Variants in METTL15 observed in about 807,000 individuals in gnomAD.
The protein encoded by METTL15 is methyltransferase 15, mitochondrial 12S rRNA N4-cytidine.
In METTL15, 34 loss-of-function variants were observed where a neutral mutation model predicts 38.3. The ratio of observed to expected loss-of-function variants is 0.89; its 90% CI spans 0.68 to 1.18. METTL15 has a LOEUF of 1.18. Among genes scored for constraint, METTL15 ranks in the 50% most tolerant of loss-of-function variants. The probability of loss-of-function intolerance (pLI) is 0.00; values close to 1 mark genes in which losing one functional copy is unlikely to be tolerated. For missense variants in METTL15, 438 were observed against 498.4 expected, an observed-to-expected ratio of 0.88 and a Z score of 1.15; for synonymous variants, 162 against 170.9, an observed-to-expected ratio of 0.95 and a Z score of 0.41.
At chr11:28,390,483 G>A (rs1850491910) in intron 5 of METTL15, among the ~76,000 whole-genome samples, 1 of 152,044 alleles carries the variant, frequency 6.6e-6, no homozygotes, top group South Asian at 2.1e-4. Context: ...TATTAAATAG[G>A]GAATCCTTTC....
intron 2 of METTL15, among the ~76,000 whole-genome samples, chr11:28,111,398 T>G (rs776776797): frequency 4.6e-5 from 7 of 152,200 alleles, no homozygotes; most frequent in Non-Finnish European, 7.3e-5. Context: ...GAGTTCACTT[T>G]TTAGGCGTAT....
Position 28,340,764 on chromosome 11 carries a change from G to A in METTL15, c.*190-11326G>A, listed in dbSNP as rs571978813. 1.9e-4 allele frequency among the ~76,000 whole-genome samples: 29 copies of A among 152,234 alleles called. No individual in the cohort carries two copies. The South Asian group carries it at 4.3e-3, about 23-fold the overall frequency. On this transcript the variant is annotated intron_variant and NMD_transcript_variant, in intron 3 of 7. Transcript: ENST00000532947. Reference sequence around the variant, plus strand: ...CAACTATTGTGGAAGACAGTGTTGCGATTCCCCAAGGATCTAGAACCAGAA... The same window carrying A: ...CAACTATTGTGGAAGACAGTGTTGCAATTCCCCAAGGATCTAGAACCAGAA...
chr11:28,128,628 G>GT (rs1852604296), intron 3 of METTL15, among the ~76,000 whole-genome samples: 1 of 152,086 alleles, frequency 6.6e-6, no homozygotes, highest in Non-Finnish European at 1.5e-5. Flanking sequence ...ATTTTGCAAT[G>GT]TTTTGCGTAA....
intron 4 of METTL15, among the ~76,000 whole-genome samples, chr11:28,231,661 T>C (rs1853689909): frequency 6.6e-6 from 1 of 151,934 alleles, no homozygotes; most frequent in South Asian, 2.1e-4. Flanking sequence ...TAGCTCACAA[T>C]GTTGTGTCAT....
At chr11:28,136,380 T>C (rs1009776886) in intron 3 of METTL15, among the ~76,000 whole-genome samples, 2 of 152,180 alleles carry the variant, frequency 1.3e-5, no homozygotes, top group Non-Finnish European at 2.9e-5. Flanking sequence ...CTTGCTGCCA[T>C]GTAAGATGTG....
At chr11:28,246,402 T>C (rs1854514708) in intron 4 of METTL15, among the ~76,000 whole-genome samples, 1 of 152,156 alleles carries the variant, frequency 6.6e-6, no homozygotes, top group Admixed American at 6.6e-5. Context: ...AGGCCCTAAC[T>C]ACATAATAAA....
chr11:28,327,977 C>A, intron 6 of METTL15: 1 of 1,026,444 alleles, frequency 9.7e-7, no homozygotes, highest in Non-Finnish European at 1.4e-6. Flanking sequence ...AAAGATAATG[C>A]TAAGAAATTT....
intron 6 of METTL15, among the ~76,000 whole-genome samples, chr11:28,445,880 G>A (rs1851071211): frequency 6.6e-6 from 1 of 151,998 alleles, no homozygotes; most frequent in Non-Finnish European, 1.5e-5. Context: ...TCAAACTCCT[G>A]GGCTCAAGCA....
intron 6 of METTL15, among the ~76,000 whole-genome samples, chr11:28,434,125 G>T (rs1430591028): frequency 6.6e-6 from 1 of 152,106 alleles, no homozygotes; most frequent in Non-Finnish European, 1.5e-5. Context: ...CATGGAAGCA[G>T]TTTTTTCCAT....
At chr11:28,458,856 G>T (rs186660192) in intron 6 of METTL15, among the ~76,000 whole-genome samples, 150 of 152,324 alleles carry the variant, frequency 9.8e-4, no homozygotes, top group African/African-American at 1.9e-3. Flanking sequence ...AAGAAAGGAA[G>T]AATGTCGATT....
intron 4 of METTL15, among the ~76,000 whole-genome samples, chr11:28,239,350 A>G (rs956851354): frequency 6.6e-6 from 1 of 152,240 alleles, no homozygotes; most frequent in East Asian, 1.9e-4. Flanking sequence ...ATAAAAAAGC[A>G]TACTAATCCT....
intron 4 of METTL15, among the ~76,000 whole-genome samples, chr11:28,223,075 A>T (rs947048567): frequency 1.3e-5 from 2 of 152,186 alleles, no homozygotes; most frequent in Non-Finnish European, 2.9e-5. Context: ...ATCTTTTAAT[A>T]TAAAACACAT....
chr11:28,425,491 G>T (rs950016375), intron 6 of METTL15, among the ~76,000 whole-genome samples: 3 of 152,136 alleles, frequency 2.0e-5, no homozygotes, highest in African/African-American at 2.4e-5. Flanking sequence ...TAACTTGAAA[G>T]AATTATGCTC....
chr11:28,172,667 A>G (rs1038637447), intron 3 of METTL15, among the ~76,000 whole-genome samples: 1 of 152,220 alleles, frequency 6.6e-6, no homozygotes, highest in African/African-American at 2.4e-5. Flanking sequence ...ACTGATGCAA[A>G]GAAAGACTGA....
At chr11:28,294,442 A>G (rs947914728) in intron 5 of METTL15, among the ~76,000 whole-genome samples, 2 of 152,168 alleles carry the variant, frequency 1.3e-5, no homozygotes, top group Non-Finnish European at 2.9e-5. Flanking sequence ...ATTTAACACT[A>G]AAGTCTTAAA....
intron 5 of METTL15, among the ~76,000 whole-genome samples, chr11:28,396,740 C>T (rs1470336264): frequency 1.3e-5 from 2 of 152,160 alleles, no homozygotes; most frequent in African/African-American, 4.8e-5. Context: ...GAAAAAACTA[C>T]TTTAAAGTTC....
intron 6 of METTL15, among the ~76,000 whole-genome samples, chr11:28,494,117 A>G (rs1453772963): frequency 6.6e-6 from 1 of 152,198 alleles, no homozygotes; most frequent in Admixed American, 6.5e-5. Context: ...TTAGGATGAA[A>G]GATGTCTCAT....
chr11:28,254,604 T>G (rs2133928661), intron 4 of METTL15, among the ~76,000 whole-genome samples: 1 of 152,326 alleles, frequency 6.6e-6, no homozygotes, highest in East Asian at 1.9e-4. Context: ...TTTTATTAGC[T>G]TCATAGTTTG....
At position 28,292,776 on chromosome 11, in the gene METTL15, T is replaced by C. The variant is rs372717780; in HGVS notation, c.599+2379T>C. 6.4e-4 allele frequency among the ~76,000 whole-genome samples: 98 copies of C among 152,314 alleles called. 1 individual carries two copies. Among genetic ancestry groups the C allele is most frequent in the African/African-American group, 2.2e-3 (93 of 41,586 alleles). On this transcript the variant is annotated intron_variant, in intron 5 of 6. Coordinates refer to ENST00000407364, the MANE Select transcript of METTL15 (RefSeq NM_001113528.2). Reference sequence around the variant, plus strand: ...CTAACTGGTGTGAGATGGTATCTCATTGTGGTTTTGATTTGCATTTCTCTG... The same window carrying C: ...CTAACTGGTGTGAGATGGTATCTCACTGTGGTTTTGATTTGCATTTCTCTG...
Sources: gnomAD v4.1 joint callset for allele counts (sites outside exome capture counted in the v4.1 genomes callset) on GRCh38, gnomAD v4.1.1 for gene constraint, MANE v1.5 for transcripts, NCBI Gene and HGNC (gene_info 2026-07-23, HGNC 2026-07-21) for gene names.